AGBL1: variants seen among roughly 807,000 people sequenced by gnomAD.
The protein encoded by AGBL1 is AGBL carboxypeptidase 1.
AGBL1 carries 130 observed loss-of-function variants against 118.9 expected under a neutral mutation model. That is an observed-to-expected ratio of 1.09 (90% CI 0.95 to 1.26). The LOEUF (loss-of-function observed/expected upper bound fraction) is 1.26. AGBL1 is among the 50% of genes most tolerant of loss of function. AGBL1 has a pLI of 0.00. For synonymous variants in AGBL1, 555 were observed against 478.9 expected (o/e 1.16, Z -2.08); for missense variants, 1,584 against 1,298.1 (o/e 1.22, Z -3.38).
At chr15:86,171,950 A>C (rs2077422102) in intron 5 of AGBL1, among the ~76,000 whole-genome samples, 1 of 152,218 alleles carries the variant, frequency 6.6e-6, no homozygotes, top group African/African-American at 2.4e-5. Flanking sequence ...ATAAAAAACC[A>C]AACATCTTAT....
chr15:86,917,514 C>G (rs1296098181), downstream of AGBL1, among the ~76,000 whole-genome samples: 9 of 152,170 alleles, frequency 5.9e-5, no homozygotes, highest in African/African-American at 2.2e-4. This position sits in a 1 kb window ranked among gnomAD's most constrained non-coding sequence, Gnocchi z 4.8. Context: ...CAGTTACATG[C>G]AACATGCAAG....
In AGBL1 at chr15:86,979,749, C is replaced by T. The variant is rs562846095; in HGVS notation, c.3222-8238C>T. Among the ~76,000 whole-genome samples the T allele has an allele frequency of 6.6e-5, 10 of 152,122 alleles. No individual in the cohort carries two copies. The East Asian group carries it at 1.2e-3, about 18-fold the overall frequency. On this transcript the variant is annotated intron_variant, in intron 23 of 24. Coordinates refer to the AGBL1 transcript ENST00000441037. ...CGATCTCCTGACCTCGTGATCTGCC[C>T]GCCTTGGCCTTCCGAAGTGCTGGGA... is the stretch of plus-strand genomic sequence containing the variant.
intron 6 of AGBL1, among the ~76,000 whole-genome samples, chr15:86,226,909 C>G (rs949520430): frequency 5.9e-5 from 9 of 152,192 alleles, no homozygotes; most frequent in Admixed American, 5.9e-4. Flanking sequence ...TCTCTTCCAG[C>G]AGACTGCAAG....
rs2081586393 is a variant in AGBL1 at position 87,014,024 on chromosome 15, ATACCTTTAATG to A, written c.3324-14795_3324-14785del. 3.9e-5 allele frequency among the ~76,000 whole-genome samples: 6 copies of A among 152,344 alleles called. No individual in the cohort carries two copies. In the South Asian group the frequency reaches 1.0e-3, roughly 26 times the overall value. The stretch of plus-strand genomic sequence containing the variant: ...TAGGGTTAATATGAATTATCAAAAA[ATACCTTTAATG>A]TACCTAAACTATAATCAATAATAAT... On this transcript the variant is annotated intron_variant, in intron 24 of 24. Transcript: ENST00000441037.
chr15:86,483,443 G>C (rs535332119), intron 18 of AGBL1, among the ~76,000 whole-genome samples: 6 of 152,142 alleles, frequency 3.9e-5, no homozygotes, highest in Middle Eastern at 3.4e-3. Flanking sequence ...AATGCCTAAT[G>C]GCAGTTAGCG....
chr15:86,857,726 A>C (rs2079503706), intron 22 of AGBL1, among the ~76,000 whole-genome samples: 1 of 152,180 alleles, frequency 6.6e-6, no homozygotes, highest in Admixed American at 6.5e-5. Context: ...GCAGGAGGGC[A>C]AGGACGGTGT....
Position 86,912,506 on chromosome 15 carries a change from A to T in AGBL1, c.*5212A>T, listed in dbSNP as rs548930025. On this transcript the variant is annotated 3_prime_UTR_variant, in exon 23 of 23. Coordinates refer to ENST00000614907, the MANE Select transcript of AGBL1 (RefSeq NM_001386094.1). ...TCCAAGAATTCCATACATTGGCTTC[A>T]GTTTCCTTCCAGAAAGAGGATTCAG... The T allele has an allele frequency of 2.6e-5, 4 of 152,228 alleles. No individual in the cohort carries two copies. In the East Asian group the frequency reaches 7.7e-4, roughly 29 times the overall value. The allele number at this position is 152,228 out of a possible 1,614,324, so 9.4% of individuals were successfully genotyped here.
At chr15:86,883,873 G>C (rs775341954) in intron 22 of AGBL1, among the ~76,000 whole-genome samples, 2 of 152,064 alleles carry the variant, frequency 1.3e-5, no homozygotes, top group Non-Finnish European at 2.9e-5. Flanking sequence ...AGGCACACTG[G>C]GTAACAAATC....
chr15:86,545,933 G>A (rs553593460), intron 19 of AGBL1, 69 bp from the exon 20 acceptor site: 11 of 1,541,788 alleles, frequency 7.1e-6, no homozygotes, highest in East Asian at 2.3e-5. Flanking sequence ...GAGTAGATAC[G>A]ATTTAAGTGG....
rs535463654 is a variant in AGBL1 at position 86,779,167 on chromosome 15, G to T, written c.3158+104731G>T. ...TCTTATTATCACACATCATTGACTA[G>T]TTTGTCCTCTTAAAAATGTGATATG... On this transcript the variant is annotated intron_variant, in intron 22 of 22. Transcript: ENST00000614907. Among the ~76,000 whole-genome samples, 168 of 152,194 alleles carry T rather than the reference G, an allele frequency of 1.1e-3. 1 individual carries two copies. Among genetic ancestry groups the T allele is most frequent in the African/African-American group, 4.0e-3 (165 of 41,538 alleles).
At chr15:86,678,809 T>C (rs1385656891) in intron 22 of AGBL1, among the ~76,000 whole-genome samples, 1 of 152,114 alleles carries the variant, frequency 6.6e-6, no homozygotes, top group Admixed American at 6.6e-5. Flanking sequence ...TTATAATTTA[T>C]TTTCCATTTT....
intron 5 of AGBL1, among the ~76,000 whole-genome samples, chr15:86,164,114 C>A (rs556187262): frequency 1.3e-5 from 2 of 152,270 alleles, no homozygotes; most frequent in South Asian, 4.2e-4. Context: ...CTGGGGGAAC[C>A]GACAGAGATT....
intron 17 of AGBL1, among the ~76,000 whole-genome samples, chr15:86,384,613 A>T (rs554444544): frequency 2.6e-5 from 4 of 152,300 alleles, no homozygotes; most frequent in African/African-American, 7.2e-5. Flanking sequence ...TTTGATGCAG[A>T]TGAGGGAATG....
At chr15:86,847,423 C>A (rs895378114) in intron 22 of AGBL1, among the ~76,000 whole-genome samples, 2 of 152,156 alleles carry the variant, frequency 1.3e-5, no homozygotes, top group Non-Finnish European at 2.9e-5. Context: ...TTTGGTTTTG[C>A]TGCTTTTGTT....
chr15:86,632,822 G>T (rs982214166), intron 21 of AGBL1, among the ~76,000 whole-genome samples: 3 of 103,696 alleles, frequency 2.9e-5, no homozygotes, highest in African/African-American at 1.0e-4. Context: ...CAGTTAATTT[G>T]TAAAAAAGGT....
At chr15:86,540,547 A>T (rs1341711128) in intron 19 of AGBL1, among the ~76,000 whole-genome samples, 2 of 152,086 alleles carry the variant, frequency 1.3e-5, no homozygotes, top group Non-Finnish European at 2.9e-5. Context: ...GTGAGCTGAG[A>T]TTGGGCCATT....
intron 1 of AGBL1, among the ~76,000 whole-genome samples, chr15:86,112,299 T>C (rs372556135): frequency 1.3e-5 from 2 of 152,056 alleles, no homozygotes; most frequent in East Asian, 1.9e-4. Flanking sequence ...TAACGATGTA[T>C]GGGCGTTTGT....
rs1470814861 is a variant in AGBL1 at position 86,975,176 on chromosome 15, T to C, written c.3222-12811T>C. 2.0e-5 allele frequency among the ~76,000 whole-genome samples: 3 copies of C among 152,048 alleles called. No homozygotes were observed. The East Asian group carries it at 5.8e-4, about 30-fold the overall frequency. On this transcript the variant is annotated intron_variant, in intron 23 of 24. Transcript: ENST00000441037. ...ATACTGTATTAGTCTGTTCTCAAGCTGCTAATAATGACATACCGGAGACTA... is the reference window on the plus strand; with the variant it reads ...ATACTGTATTAGTCTGTTCTCAAGCCGCTAATAATGACATACCGGAGACTA...
At chr15:86,142,477 A>C (rs1469397044) in intron 2 of AGBL1, among the ~76,000 whole-genome samples, 1 of 152,222 alleles carries the variant, frequency 6.6e-6, no homozygotes, top group East Asian at 1.9e-4. Flanking sequence ...AAGATAACAG[A>C]GTTGACTACA....
Sources: allele counts gnomAD v4.1 joint callset (sites outside exome capture counted in the v4.1 genomes callset), GRCh38; gene constraint gnomAD v4.1.1; non-coding constraint Gnocchi (gnomAD v3.1); transcripts MANE v1.5; gene names NCBI Gene and HGNC (gene_info 2026-07-23, HGNC 2026-07-21).